The following MYO1C variants were observed in gnomAD, a reference collection of about 807,000 sequenced individuals.
MYO1C encodes myosin IC.
In MYO1C, 104 loss-of-function variants were observed where a neutral mutation model predicts 150.8. The ratio of observed to expected loss-of-function variants is 0.69; its 90% CI spans 0.59 to 0.81. MYO1C has a LOEUF of 0.81. MYO1C is among the 30% of genes least tolerant of loss of function. The pLI is 0.00. For missense variants in MYO1C, 1,504 were observed against 1,435.0 expected, an observed-to-expected ratio of 1.05 and a Z score of -0.78; for synonymous variants, 663 against 579.9, an observed-to-expected ratio of 1.14 and a Z score of -2.06.
rs1345339822 is a variant in MYO1C at position 1,478,093 on chromosome 17, G to GC, written c.1394dup (p.Ile466HisfsTer16). 3.1e-6 allele frequency: 5 copies of GC among 1,614,070 alleles called. No individual in the cohort carries two copies. The highest frequency in any genetic ancestry group is 4.2e-6 in the Non-Finnish European group (5 of 1,180,000). On this transcript the variant is annotated frameshift_variant, in exon 12 of 32. Coordinates refer to ENST00000648651, the MANE Select transcript of MYO1C (RefSeq NM_001080779.2). LOFTEE classifies it high-confidence loss of function. The surrounding 1 kb of genome is among the most constrained non-coding windows in gnomAD (Gnocchi z 6.3). Reference sequence around the variant, plus strand: ...CCCCCAGGCTAGCACACACCGCGATGCCCTCTGCCTCGTACTCCTCCTGCT... The same window carrying GC: ...CCCCCAGGCTAGCACACACCGCGATGCCCCTCTGCCTCGTACTCCTCCTGCT...
chr17:1,484,395 G>A, intron 1 of MYO1C, 92 bp from the exon 2 acceptor site: 2 of 1,490,322 alleles, frequency 1.3e-6, no homozygotes, highest in Non-Finnish European at 1.8e-6. Context: ...GGGAACGTAG[G>A]GGCTTGTGGA....
intron 18 of MYO1C, 38 bp downstream of exon 18, chr17:1,472,085 G>A: frequency 1.2e-6 from 2 of 1,613,260 alleles, no homozygotes; most frequent in South Asian, 1.1e-5. Flanking sequence ...TCCTGCAGGG[G>A]AGGCCCGGCC....
intron 5 of MYO1C, 188 bp from the exon 6 acceptor site, chr17:1,481,073 G>T: frequency 1.6e-6 from 1 of 620,118 alleles, no homozygotes; most frequent in South Asian, 2.0e-5. Context: ...AGGAAATGGG[G>T]AGATTCAACT....
At chr17:1,484,345 G>A (rs368450575) in intron 1 of MYO1C, 42 bp from the exon 2 acceptor site, 48 of 1,600,370 alleles carry the variant, frequency 3.0e-5, no homozygotes, top group Non-Finnish European at 3.6e-5. Flanking sequence ...AGTCATCGGG[G>A]GCGGGGCAAG....
rs889886115 is a variant in MYO1C at position 1,477,601 on chromosome 17, G to T, written c.1483-5C>A. On this transcript the variant is annotated splice_polypyrimidine_tract_variant and splice_region_variant and intron_variant, in intron 13 of 31. Coordinates refer to ENST00000648651, the MANE Select transcript of MYO1C (RefSeq NM_001080779.2). The stretch of plus-strand genomic sequence containing the variant: ...GGGGCGCAGACACTCCTCATCCTGG[G>T]GGGTGTGGCACAGGGGGAAGGACGT... 6.2e-7 allele frequency: 1 copy of T among 1,612,698 alleles called. No homozygotes were observed.
chr17:1,485,765 T>TCGGCGG, intron 1 of MYO1C: 2 of 1,049,618 alleles, frequency 1.9e-6, no homozygotes, highest in Non-Finnish European at 2.3e-6. Context: ...GGTCCCGGGC[T>TCGGCGG]CGGCGGCGGT....
At position 1,479,826 on chromosome 17, in the gene MYO1C, G is replaced by A. The variant is rs2074480754; in HGVS notation, c.907-121C>T. 1.4e-6 allele frequency: 1 copy of A among 700,824 alleles called. No homozygotes were observed. Among genetic ancestry groups the A allele is most frequent in the Non-Finnish European group, 2.5e-6 (1 of 403,356 alleles). The allele number at this position is 700,824 out of a possible 1,614,324, so 43.4% of individuals were successfully genotyped here. A position where few individuals can be genotyped will look rare whatever the true frequency, so the allele number is the denominator to read the frequency against. On this transcript the variant is annotated intron_variant, in intron 7 of 31. Coordinates refer to ENST00000648651, the MANE Select transcript of MYO1C (RefSeq NM_001080779.2). The surrounding 1 kb of genome is among the most constrained non-coding windows in gnomAD (Gnocchi z 4.2). ...TGTCGGAGAGAAGGGGCTGGAAGTG[G>A]GAATGGGTGTTAAAGGTGGAAGGTG...
At position 1,479,056 on chromosome 17, in the gene MYO1C, G is replaced by A. The variant is rs979854955; in HGVS notation, c.1093-321C>T. ...TGAGACAGAGTCTAGCTCTGTTGCCGTGATCTCGGCTCACTGCAACCTCCA... is the reference window on the plus strand; with the variant it reads ...TGAGACAGAGTCTAGCTCTGTTGCCATGATCTCGGCTCACTGCAACCTCCA... On this transcript the variant is annotated intron_variant, in intron 9 of 31. Coordinates refer to ENST00000648651, the MANE Select transcript of MYO1C (RefSeq NM_001080779.2). The surrounding 1 kb of genome is among the most constrained non-coding windows in gnomAD (Gnocchi z 4.2). 2.0e-5 allele frequency among the ~76,000 whole-genome samples: 3 copies of A among 152,066 alleles called. No individual in the cohort carries two copies. The highest frequency in any genetic ancestry group is 1.9e-4 in the East Asian group (1 of 5,190).
At chr17:1,469,755 C>T (rs1044039119) in intron 24 of MYO1C, 141 bp from the exon 25 acceptor site, 5 of 795,734 alleles carry the variant, frequency 6.3e-6, no homozygotes, top group Non-Finnish European at 1.0e-5. Flanking sequence ...CCTTACTCGG[C>T]AGGGCGCGGT....
rs1325724958 is a variant in MYO1C, at chr17:1,478,409, C to A, written c.1295+1G>T. On this transcript the variant is annotated splice_donor_variant, in intron 11 of 31. Transcript: ENST00000648651. LOFTEE classifies it high-confidence loss of function. The surrounding 1 kb of genome is among the most constrained non-coding windows in gnomAD (Gnocchi z 6.3). ...AGAGACGGGGGAAAGATGGCACCGACCTGTTATGCTGAAACACTTCAAAGC... is the reference window on the plus strand; with the variant it reads ...AGAGACGGGGGAAAGATGGCACCGAACTGTTATGCTGAAACACTTCAAAGC... 9.9e-6 allele frequency: 16 copies of A among 1,614,060 alleles called. No homozygotes were observed. Among genetic ancestry groups the A allele is most frequent in the Non-Finnish European group, 1.2e-5 (14 of 1,180,024 alleles).
chr17:1,478,695 C>A lies in MYO1C; in HGVS notation c.1133G>T (p.Arg378Leu). Residue 378 changes from arginine to leucine, a missense_variant, in exon 10 of 32, where the codon CGA becomes CTA. Coordinates refer to ENST00000648651, the MANE Select transcript of MYO1C (RefSeq NM_001080779.2). The surrounding 1 kb of genome is among the most constrained non-coding windows in gnomAD (Gnocchi z 6.3). ...GTACACAGCCTTGGCGAGGGCGTCT[C>A]GTGCGTACGCGGCCTGCTCCAGGTT... ...PLNLEQAAYA[R>L]DALAKAVYSR... 6.2e-7 allele frequency: 1 copy of A among 1,614,148 alleles called. No homozygotes were observed. The highest frequency in any genetic ancestry group is 8.5e-7 in the Non-Finnish European group (1 of 1,180,038).
chr17:1,491,770 G>T, intron 1 of MYO1C: 1 of 537,766 alleles, frequency 1.9e-6, no homozygotes, highest in Non-Finnish European at 2.4e-6. Context: ...CCCCGCCTCA[G>T]CCCCGGCCGC....
rs1222575591 is a variant in MYO1C at position 1,465,833 on chromosome 17, G to GT, written c.3166-82dup. Reference sequence around the variant, plus strand: ...TACTCAGACTTTTCTTTTCGTCCTTGTTTTTTCCTTTTTATGGAGAATGGG... The same window carrying GT: ...TACTCAGACTTTTCTTTTCGTCCTTGTTTTTTTCCTTTTTATGGAGAATGGG... On this transcript the variant is annotated intron_variant, in intron 31 of 31. Transcript: ENST00000648651. The GT allele has an allele frequency of 2.7e-6, 3 of 1,102,492 alleles. No homozygotes were observed. The East Asian group carries it at 8.6e-5, about 32-fold the overall frequency. The allele number at this position is 1,102,492 out of a possible 1,614,324, so 68.3% of individuals were successfully genotyped here.
Position 1,465,606 on chromosome 17 carries a change from C to A in MYO1C, c.*120G>T. 1 of 1,049,398 alleles carries A rather than the reference C, an allele frequency of 9.5e-7. No homozygotes were observed. The highest frequency in any genetic ancestry group is 1.3e-6 in the Non-Finnish European group (1 of 778,748). The allele number at this position is 1,049,398 out of a possible 1,614,324, so 65.0% of individuals were successfully genotyped here. On this transcript the variant is annotated 3_prime_UTR_variant, in exon 32 of 32. Coordinates refer to ENST00000648651, the MANE Select transcript of MYO1C (RefSeq NM_001080779.2). ...GGGATGGGCAGGAGGTGGGAGATTG[C>A]AGGTGGGCTTCGGGGTGTCCCTGGG... is the stretch of plus-strand genomic sequence containing the variant.
At position 1,478,117 on chromosome 17, in the gene MYO1C, C is replaced by T. The variant is rs1476427416; in HGVS notation, c.1371G>A (p.Glu457=). 1.2e-6 allele frequency: 2 copies of T among 1,614,038 alleles called. No individual in the cohort carries two copies. The highest frequency in any genetic ancestry group is 1.7e-6 in the Non-Finnish European group (2 of 1,180,050). ...TGCCCTCTGCCTCGTACTCCTCCTGCTCCGACTTGAGCGTGAGCTCGATGA... is the reference window on the plus strand; with the variant it reads ...TGCCCTCTGCCTCGTACTCCTCCTGTTCCGACTTGAGCGTGAGCTCGATGA... ...QLFIELTLKS[E]QEEYEAEGIA... Residue 457 remains glutamate, a synonymous_variant, in exon 12 of 32, where the codon GAG becomes GAA. Coordinates refer to ENST00000648651, the MANE Select transcript of MYO1C (RefSeq NM_001080779.2). This position sits in a 1 kb window ranked among gnomAD's most constrained non-coding sequence, Gnocchi z 6.3.
intron 14 of MYO1C, among the ~76,000 whole-genome samples, chr17:1,476,108 T>A (rs2074398504): frequency 6.6e-6 from 1 of 152,166 alleles, no homozygotes; most frequent in Non-Finnish European, 1.5e-5. Context: ...GGAACAAGTT[T>A]TTAGTATTTA....
chr17:1,484,154 G>A lies in MYO1C; in HGVS notation c.225C>T (p.Leu75=), dbSNP rs1567533769. Residue 75 remains leucine (L), a synonymous_variant, in exon 2 of 32, where the codon CTC becomes CTT. Transcript: ENST00000648651. The part of the protein sequence containing the change: ...ENLRRRFREN[L]IYTYIGPVLV... Reference sequence around the variant, plus strand: ...CTCCCCACAAGGGCCTCACGTAGATGAGATTCTCCCGAAATCGCCGCCGCA... The same window carrying A: ...CTCCCCACAAGGGCCTCACGTAGATAAGATTCTCCCGAAATCGCCGCCGCA... 2 of 1,612,920 alleles carry A rather than the reference G, an allele frequency of 1.2e-6. No individual in the cohort carries two copies. Among genetic ancestry groups the A allele is most frequent in the Non-Finnish European group, 1.7e-6 (2 of 1,180,016 alleles).
At position 1,478,960 on chromosome 17, in the gene MYO1C, T is replaced by C. The variant is rs1311682933; in HGVS notation, c.1093-225A>G. Among the ~76,000 whole-genome samples, 2 of 151,692 alleles carry C rather than the reference T, an allele frequency of 1.3e-5. No homozygotes were observed. The highest frequency in any genetic ancestry group is 1.5e-5 in the Non-Finnish European group (1 of 67,916). On this transcript the variant is annotated intron_variant, in intron 9 of 31. Coordinates refer to ENST00000648651, the MANE Select transcript of MYO1C (RefSeq NM_001080779.2). The surrounding 1 kb of genome is among the most constrained non-coding windows in gnomAD (Gnocchi z 6.3). ...GGAGGCCTCCTTCCCGAGGTGGGAG[T>C]CTGGTTCTAGCCGGACTGTTACTCT...
chr17:1,483,113 C>A, intron 3 of MYO1C, 54 bp from the exon 4 acceptor site: 2 of 1,508,650 alleles, frequency 1.3e-6, no homozygotes, highest in Non-Finnish European at 1.8e-6. Context: ...CAGAGCCCCA[C>A]GAGAGTCCCG....
Sources: gnomAD v4.1 joint callset for allele counts (sites outside exome capture counted in the v4.1 genomes callset) on GRCh38, gnomAD v4.1.1 for gene constraint, Gnocchi (gnomAD v3.1) non-coding constraint, MANE v1.5 for transcripts, NCBI Gene and HGNC (gene_info 2026-07-23, HGNC 2026-07-21) for gene names.